Variants in XPC observed in about 807,000 individuals in gnomAD.
The protein encoded by XPC is DNA repair protein complementing XP-C cells.
XPC carries 76 observed loss-of-function variants against 95.8 expected under a neutral mutation model. That is an observed-to-expected ratio of 0.79 (90% confidence interval 0.66 to 0.96). The LOEUF (loss-of-function observed/expected upper bound fraction) is 0.96. XPC is among the 40% of genes least tolerant of loss of function. The pLI, the probability that XPC is intolerant of heterozygous loss-of-function variation, is 0.00. For synonymous variants in XPC, 442 were observed against 442.1 expected, an observed-to-expected ratio of 1.00 and a Z score of 0.00; for missense variants, 1,146 against 1,179.8, an observed-to-expected ratio of 0.97 and a Z score of 0.42.
chr3:14,165,688 G>C, intron 5 of XPC, 103 bp from the exon 6 acceptor site: 2 of 1,379,768 alleles, frequency 1.4e-6, no homozygotes, highest in South Asian at 2.6e-5. Flanking sequence ...AGAAATATGT[G>C]TTGCCATTTC....
intron 11 of XPC, among the ~76,000 whole-genome samples, chr3:14,149,221 T>G (rs946579816): frequency 2.6e-5 from 4 of 151,764 alleles, no homozygotes; most frequent in Non-Finnish European, 4.4e-5. Flanking sequence ...GTAGCTGGGA[T>G]TACAGGTGCC....
At chr3:14,159,611 T>C (rs1464663275) in intron 8 of XPC, 130 bp downstream of exon 8, 9 of 897,552 alleles carry the variant, frequency 1.0e-5, no homozygotes, top group African/African-American at 5.1e-5. Flanking sequence ...ACACAGGGTA[T>C]GTGCAAGGCT....
In XPC at chr3:14,145,913, G is replaced by C. The variant is rs2125004260; in HGVS notation, c.*28C>G. On this transcript the variant is annotated 3_prime_UTR_variant, in exon 16 of 16. Coordinates refer to ENST00000285021, the MANE Select transcript of XPC (RefSeq NM_004628.5). ...GCCTGTAGTGGGGCAGCAGCAACTG[G>C]TGGGTGCCCCTCTAGTGGGCGCTCA... is the stretch of plus-strand genomic sequence containing the variant. 1 of 1,591,462 alleles carries C rather than the reference G, an allele frequency of 6.3e-7. No homozygotes were observed. The highest frequency in any genetic ancestry group is 8.6e-7 in the Non-Finnish European group (1 of 1,164,902).
rs1367184416 is a variant in XPC at position 14,158,631 on chromosome 3, G to A, written c.1252C>T (p.His418Tyr). The A allele has an allele frequency of 6.2e-7, 1 of 1,613,774 alleles. No individual in the cohort carries two copies. Among genetic ancestry groups the A allele is most frequent in the African/African-American group, 1.3e-5 (1 of 74,898 alleles). ...GAGGCCACCCGCCGCTCCCGGCCAT[G>A]CGGACGTCGCTGGGTTGCCTTCTCC... is the stretch of plus-strand genomic sequence containing the variant. ...KQEKATQRRP[H>Y]GRERRVASRV... Residue 418 changes from histidine to tyrosine, a missense_variant, in exon 9 of 16, where the codon CAT (histidine) becomes TAT (tyrosine). His to Tyr is a moderately conservative substitution (Grantham distance 83). Coordinates refer to ENST00000285021, the MANE Select transcript of XPC (RefSeq NM_004628.5). The surrounding 1 kb of genome is among the most constrained non-coding windows in gnomAD (Gnocchi z 5.2).
intron 10 of XPC, among the ~76,000 whole-genome samples, chr3:14,154,841 T>C (rs536290574): frequency 3.0e-4 from 7 of 23,050 alleles, no homozygotes; most frequent in African/African-American, 1.5e-3. Flanking sequence ...TAAATATATA[T>C]AATTTATAAA....
intron 11 of XPC, chr3:14,151,277 A>G (rs1310055835): frequency 6.6e-6 from 1 of 152,224 alleles, no homozygotes; most frequent in Non-Finnish European, 1.5e-5. Context: ...ACACTTTAAA[A>G]TATTTCTTAC....
At chr3:14,177,271 G>A (rs1328599009) in intron 1 of XPC, among the ~76,000 whole-genome samples, 1 of 152,144 alleles carries the variant, frequency 6.6e-6, no homozygotes, top group Non-Finnish European at 1.5e-5. Flanking sequence ...TAGTGATCTA[G>A]AGATGATTTA....
intron 10 of XPC, chr3:14,153,475 A>AG (rs1180271710): frequency 6.6e-6 from 1 of 152,434 alleles, no homozygotes; most frequent in Non-Finnish European, 1.5e-5. Flanking sequence ...GCTTTGTGTT[A>AG]GACAGCTTTA....
Position 14,170,541 on chromosome 3 carries a change from T to C in XPC, c.309A>G (p.Pro103=), listed in dbSNP as rs371793771. ...GATGGTGTGCCTTCTTGAGGTCACT[T>C]GGAAAGTCCCTGTGTAAAGACCACA... The part of the protein sequence containing the change: ...LSDGDDLRDF[P]SDLKKAHHLK... Residue 103 remains proline (P), a synonymous_variant, in exon 3 of 16, where the codon CCA becomes CCG. Transcript: ENST00000285021. The C allele has an allele frequency of 2.6e-5, 42 of 1,611,982 alleles. No homozygotes were observed. The highest frequency in any genetic ancestry group is 2.3e-4 in the Admixed American group (14 of 59,784).
chr3:14,152,564 T>C, intron 10 of XPC, 148 bp from the exon 11 acceptor site: 1 of 662,920 alleles, frequency 1.5e-6, no homozygotes, highest in Non-Finnish European at 2.4e-6. Flanking sequence ...CCAGAGAAGC[T>C]GTGCTAGGCA....
At position 14,145,540 on chromosome 3, in the gene XPC, AAACG is replaced by A. The variant is rs3731180; in HGVS notation, c.*397_*400del. Reference sequence around the variant, plus strand: ...GACAGATGAAGACTCTAACTGGAAGAAACGATCAGCGCATTCACGGATGCACCAC... The same window carrying A: ...GACAGATGAAGACTCTAACTGGAAGAATCAGCGCATTCACGGATGCACCAC... On this transcript the variant is annotated 3_prime_UTR_variant, in exon 16 of 16. Transcript: ENST00000285021. 1,074 of 700,274 alleles carry A rather than the reference AAACG, an allele frequency of 1.5e-3. 19 individuals carry two copies. The highest frequency in any genetic ancestry group is 0.015 in the South Asian group (1,027 of 67,394). 43.4% of individuals were successfully genotyped at this position (700,274 alleles called of 1,614,324 possible). A position where few individuals can be genotyped will look rare whatever the true frequency, so the allele number is the denominator to read the frequency against.
intron 1 of XPC, among the ~76,000 whole-genome samples, chr3:14,175,829 C>T (rs1696793110): frequency 6.6e-6 from 1 of 152,210 alleles, no homozygotes; most frequent in Admixed American, 6.5e-5. Flanking sequence ...CAGCCCAAAC[C>T]ATACTTGCTA....
chr3:14,176,983 C>G (rs1696844451), intron 1 of XPC, among the ~76,000 whole-genome samples: 1 of 152,172 alleles, frequency 6.6e-6, no homozygotes, highest in Admixed American at 6.5e-5. Context: ...ACCTGTAACA[C>G]CAGCTACTCG....
intron 11 of XPC, chr3:14,149,972 CAA>C (rs1695621327): frequency 6.6e-6 from 1 of 152,260 alleles, no homozygotes; most frequent in Non-Finnish European, 1.5e-5. Context: ...GACTGAGAGA[CAA>C]AGTCACTTAA....
At chr3:14,168,585 A>T (rs1219449499) in intron 3 of XPC, among the ~76,000 whole-genome samples, 1 of 151,928 alleles carries the variant, frequency 6.6e-6, no homozygotes, top group African/African-American at 2.4e-5. Flanking sequence ...CGTGTGTCTC[A>T]TTTAACCCAC....
chr3:14,147,776 G>T, intron 14 of XPC, 132 bp downstream of exon 14: 1 of 780,822 alleles, frequency 1.3e-6, no homozygotes, highest in Non-Finnish European at 2.1e-6. Context: ...GCTCCCTCGG[G>T]TGCCTGCCAT....
intron 14 of XPC, 122 bp from the exon 15 acceptor site, chr3:14,147,501 T>C: frequency 1.0e-6 from 1 of 956,338 alleles, no homozygotes; most frequent in Non-Finnish European, 1.6e-6. Flanking sequence ...TAGCCTCTCC[T>C]TCACACCAAG....
chr3:14,164,762 T>C, intron 7 of XPC, 51 bp downstream of exon 7: 3 of 1,584,468 alleles, frequency 1.9e-6, no homozygotes, highest in Non-Finnish European at 2.6e-6. Context: ...GCTGCCATTA[T>C]CATTAGTTAA....
At position 14,154,365 on chromosome 3, in the gene XPC, A is replaced by AT. The variant is rs371043839; in HGVS notation, c.2034-1950dup. Among the ~76,000 whole-genome samples the AT allele has an allele frequency of 6.5e-3, 990 of 152,350 alleles. 11 individuals carry two copies. The highest frequency in any genetic ancestry group is 0.033 in the South Asian group (158 of 4,828). On this transcript the variant is annotated intron_variant, in intron 10 of 15. Coordinates refer to ENST00000285021, the MANE Select transcript of XPC (RefSeq NM_004628.5). ...TCTGCACACCCATGTTCACAGCAGC[A>AT]TAATTCACAACAGCCAAAAGGTGGA...
Sources: allele counts gnomAD v4.1 joint callset (sites outside exome capture counted in the v4.1 genomes callset), GRCh38; gene constraint gnomAD v4.1.1; non-coding constraint Gnocchi (gnomAD v3.1); transcripts MANE v1.5; gene names NCBI Gene and HGNC (gene_info 2026-07-23, HGNC 2026-07-21).